The following SOX5 variants were observed in gnomAD, a reference collection of about 807,000 sequenced individuals.
SOX5 encodes SRY-box transcription factor 5, also known as transcription factor SOX-5.
In SOX5, 9 loss-of-function variants were observed where a neutral mutation model predicts 92.0. The observed-to-expected ratio is 0.10, with a 90% CI of 0.06 to 0.17. The LOEUF is 0.17. Among genes scored for constraint, SOX5 ranks in the 10% least tolerant of loss-of-function variants. SOX5 has a pLI of 1.00. For missense variants in SOX5, 642 were observed against 944.5 expected, an observed-to-expected ratio of 0.68 and a Z score of 4.20; for synonymous variants, 344 against 336.3, an observed-to-expected ratio of 1.02 and a Z score of -0.25.
At chr12:23,817,996 G>T (rs1568020026) in intron 3 of SOX5, among the ~76,000 whole-genome samples, 2 of 152,198 alleles carry the variant, frequency 1.3e-5, no homozygotes, top group African/African-American at 4.8e-5. Context: ...TGTAAAGAAA[G>T]GAGATATTGA....
chr12:24,334,685 GT>G (rs1342512657), intron 2 of SOX5, among the ~76,000 whole-genome samples: 1 of 152,036 alleles, frequency 6.6e-6, no homozygotes, highest in Non-Finnish European at 1.5e-5. Flanking sequence ...AGTAAACAAA[GT>G]TTTATGCATA....
chr12:24,430,719 T>C (rs565510029), intron 1 of SOX5, among the ~76,000 whole-genome samples: 1 of 152,278 alleles, frequency 6.6e-6, no homozygotes, highest in African/African-American at 2.4e-5. Flanking sequence ...GAGGCCAATA[T>C]TGCATATCAC....
intron 2 of SOX5, among the ~76,000 whole-genome samples, chr12:23,882,599 T>C (rs981795765): frequency 6.6e-6 from 1 of 152,132 alleles, no homozygotes; most frequent in African/African-American, 2.4e-5. Context: ...TGATTCGATT[T>C]ATTGGAGTAA....
chr12:24,241,242 A>G (rs1965502617), intron 3 of SOX5, among the ~76,000 whole-genome samples: 1 of 152,162 alleles, frequency 6.6e-6, no homozygotes, highest in South Asian at 2.1e-4. Flanking sequence ...TTTTCTTACT[A>G]GTTAAGATGA....
chr12:23,925,092 A>G (rs542714392), intron 1 of SOX5, among the ~76,000 whole-genome samples: 97 of 152,194 alleles, frequency 6.4e-4, no homozygotes, highest in African/African-American at 2.2e-3. Context: ...ATATATTACC[A>G]TAGGTATGAG....
chr12:23,672,992 A>G lies in SOX5; in HGVS notation c.811-7428T>C, dbSNP rs561002505. Among the ~76,000 whole-genome samples the G allele has an allele frequency of 9.2e-5, 14 of 152,320 alleles. No homozygotes were observed. In the East Asian group the frequency reaches 2.7e-3, roughly 29 times the overall value. On this transcript the variant is annotated intron_variant, in intron 6 of 14. Transcript: ENST00000451604. ...CAAATTTCAAAAAATGATGACATGT[A>G]TTATAAATACAATACATGCTTAAAC...
intron 1 of SOX5, among the ~76,000 whole-genome samples, chr12:24,455,909 C>T (rs561716006): frequency 3.1e-4 from 47 of 152,280 alleles, no homozygotes; most frequent in African/African-American, 1.1e-3. Flanking sequence ...AGTATCCTTA[C>T]CTCAGCTACG....
At chr12:23,707,967 G>A (rs2091613486) in intron 6 of SOX5, among the ~76,000 whole-genome samples, 1 of 152,016 alleles carries the variant, frequency 6.6e-6, no homozygotes, top group South Asian at 2.1e-4. Context: ...CCTTTATGGA[G>A]CAATTAACAC....
intron 1 of SOX5, among the ~76,000 whole-genome samples, chr12:24,480,718 T>C (rs187481952): frequency 1.6e-4 from 25 of 152,120 alleles, no homozygotes; most frequent in Admixed American, 2.6e-4. Flanking sequence ...GATATCATCT[T>C]ACCCCAGTTA....
chr12:24,065,175 A>G (rs982944993), intron 4 of SOX5, among the ~76,000 whole-genome samples: 1 of 152,182 alleles, frequency 6.6e-6, no homozygotes, highest in African/African-American at 2.4e-5. Context: ...TGGTAGAGAC[A>G]TTAAGTTCCT....
At chr12:23,785,195 T>G (rs943546489) in intron 3 of SOX5, among the ~76,000 whole-genome samples, 1 of 152,228 alleles carries the variant, frequency 6.6e-6, no homozygotes, top group Non-Finnish European at 1.5e-5. Context: ...ATGACATGAA[T>G]TCTACAAAGT....
chr12:24,251,370 A>G (rs1940001329), intron 3 of SOX5, among the ~76,000 whole-genome samples: 2 of 152,316 alleles, frequency 1.3e-5, no homozygotes, highest in Middle Eastern at 3.4e-3. Context: ...AAGTTCCTTC[A>G]TTCCCTCCAT....
chr12:23,903,362 A>T (rs920941531), intron 1 of SOX5, among the ~76,000 whole-genome samples: 1 of 152,158 alleles, frequency 6.6e-6, no homozygotes, highest in African/African-American at 2.4e-5. Context: ...AGGCAGGAAG[A>T]TTCCTTGAGC....
chr12:24,425,021 G>C (rs147275853), intron 1 of SOX5, among the ~76,000 whole-genome samples: 13 of 152,164 alleles, frequency 8.5e-5, no homozygotes, highest in East Asian at 1.9e-4. Flanking sequence ...AATGAAATAG[G>C]GGGGAGAGAG....
At chr12:24,197,254 G>T (rs780197519) in intron 4 of SOX5, among the ~76,000 whole-genome samples, 4 of 152,160 alleles carry the variant, frequency 2.6e-5, no homozygotes, top group Non-Finnish European at 5.9e-5. Context: ...AATATTTGCT[G>T]AAGACTCTAT....
intron 7 of SOX5, among the ~76,000 whole-genome samples, chr12:23,658,497 AGC>A (rs2082602745): frequency 6.6e-6 from 1 of 152,218 alleles, no homozygotes; most frequent in Non-Finnish European, 1.5e-5. Flanking sequence ...ACATTTACAA[AGC>A]TTTACAACTA....
chr12:23,984,276 C>T (rs757669696), intron 4 of SOX5, among the ~76,000 whole-genome samples: 6 of 152,156 alleles, frequency 3.9e-5, no homozygotes, highest in African/African-American at 9.6e-5. Flanking sequence ...GCCTGCTGTG[C>T]TAAGTGCTAC....
At chr12:24,119,132 T>G (rs941015892) in intron 4 of SOX5, among the ~76,000 whole-genome samples, 2 of 152,096 alleles carry the variant, frequency 1.3e-5, no homozygotes, top group Non-Finnish European at 2.9e-5. Flanking sequence ...CATCAGACAC[T>G]AAACAAGCAT....
intron 4 of SOX5, among the ~76,000 whole-genome samples, chr12:24,084,887 C>T (rs1943782386): frequency 6.6e-6 from 1 of 152,050 alleles, no homozygotes; most frequent in East Asian, 1.9e-4. Context: ...AATTGATAAG[C>T]TTTATATAAT....
Sources: gnomAD v4.1 joint callset for allele counts (sites outside exome capture counted in the v4.1 genomes callset) on GRCh38, gnomAD v4.1.1 for gene constraint, MANE v1.5 for transcripts, NCBI Gene and HGNC (gene_info 2026-07-23, HGNC 2026-07-21) for gene names.